The following SEMA5A variants were observed in gnomAD, a reference collection of about 807,000 sequenced individuals.
SEMA5A encodes the protein semaphorin 5A.
Under a neutral mutation model 135.5 loss-of-function variants are expected in SEMA5A, and 55 were observed. That is an observed-to-expected ratio of 0.41 (90% CI 0.33 to 0.51). The LOEUF (loss-of-function observed/expected upper bound fraction) is 0.51, where lower values mean the gene tolerates loss of function less well. Ranked by LOEUF, SEMA5A falls within the 20% of genes least tolerant of loss-of-function variation. The pLI is 0.37. For missense variants in SEMA5A, 1,290 were observed against 1,419.9 expected, an observed-to-expected ratio of 0.91 and a Z score of 1.47; for synonymous variants, 580 against 546.5, an observed-to-expected ratio of 1.06 and a Z score of -0.85.
At chr5:9,206,440 T>G (rs544670203) in intron 8 of SEMA5A, among the ~76,000 whole-genome samples, 6 of 151,652 alleles carry the variant, frequency 4.0e-5, no homozygotes, top group Admixed American at 1.3e-4. Context: ...TCACCATATA[T>G]GTAATTACAA....
At chr5:9,083,895 T>A (rs1469375997) in intron 16 of SEMA5A, among the ~76,000 whole-genome samples, 1 of 152,210 alleles carries the variant, frequency 6.6e-6, no homozygotes, top group Non-Finnish European at 1.5e-5. Flanking sequence ...TCTGACAGAC[T>A]GACTTGTTTC....
rs187900603 is a variant in SEMA5A at position 9,197,856 on chromosome 5, C to T, written c.933-553G>A. 2.0e-3 allele frequency among the ~76,000 whole-genome samples: 298 copies of T among 151,694 alleles called. 2 individuals carry two copies. The highest frequency in any genetic ancestry group is 7.1e-3 in the African/African-American group (292 of 41,362). On this transcript the variant is annotated intron_variant, in intron 9 of 22. Transcript: ENST00000382496. The stretch of plus-strand genomic sequence containing the variant: ...ACTCAAAGTATTTTATAAAAAGTGA[C>T]TGTCTGACTCTTCATATTTTCTTTT...
chr5:9,042,710 T>C lies in SEMA5A; in HGVS notation c.*187A>G. On this transcript the variant is annotated 3_prime_UTR_variant, in exon 23 of 23. Coordinates refer to ENST00000382496, the MANE Select transcript of SEMA5A (RefSeq NM_003966.3). ...TCAACAATGGTCAAGATTTTCACGA[T>C]GTCTTATTTCAATTTTTGTTGCTTT... 1 of 608,148 alleles carries C rather than the reference T, an allele frequency of 1.6e-6. No individual in the cohort carries two copies. Among genetic ancestry groups the C allele is most frequent in the African/African-American group, 1.9e-5 (1 of 53,122 alleles). The allele number at this position is 608,148 out of a possible 1,614,324, so 37.7% of individuals were successfully genotyped here.
intron 5 of SEMA5A, 44 bp downstream of exon 5, chr5:9,318,328 T>C (rs765219379): frequency 1.9e-5 from 29 of 1,563,478 alleles, no homozygotes; most frequent in Non-Finnish European, 2.5e-5. Flanking sequence ...AGTGAGTTAA[T>C]TGGGATGGAA....
chr5:9,331,672 C>A (rs1185668572), intron 4 of SEMA5A, among the ~76,000 whole-genome samples: 1 of 152,186 alleles, frequency 6.6e-6, no homozygotes. Flanking sequence ...TCCCTTGCCA[C>A]CCCCACCCAC....
chr5:9,448,697 G>A (rs867647177), intron 1 of SEMA5A, among the ~76,000 whole-genome samples: 20 of 152,128 alleles, frequency 1.3e-4, no homozygotes, highest in African/African-American at 4.3e-4. Flanking sequence ...TTATCTTATT[G>A]GCTTGACTTC....
At chr5:9,139,188 T>C (rs2150225957) in intron 12 of SEMA5A, among the ~76,000 whole-genome samples, 1 of 152,356 alleles carries the variant, frequency 6.6e-6, no homozygotes, top group Non-Finnish European at 1.5e-5. Context: ...TTTTCCATAG[T>C]AATTGTACTA....
In SEMA5A at chr5:9,066,417, T is replaced by TCAC. The variant is rs755623675; in HGVS notation, c.2299+1_2299+3dup. On this transcript the variant is annotated splice_donor_region_variant and intron_variant, in intron 17 of 22. Transcript: ENST00000382496. ...GGGTCAGTCCCCACGGAATCACTAC[T>TCAC]CACCATCTGTGGAGCAGCCACTGGT... 6.2e-7 allele frequency: 1 copy of TCAC among 1,613,912 alleles called. No individual in the cohort carries two copies. The highest frequency in any genetic ancestry group is 1.7e-5 in the Admixed American group (1 of 60,034).
At chr5:9,059,300 A>C (rs1737058078) in intron 18 of SEMA5A, among the ~76,000 whole-genome samples, 1 of 152,104 alleles carries the variant, frequency 6.6e-6, no homozygotes, top group South Asian at 2.1e-4. Context: ...CAAAGTCTGG[A>C]GTCTTTAAGG....
At chr5:9,368,688 G>A (rs1428803587) in intron 3 of SEMA5A, among the ~76,000 whole-genome samples, 1 of 152,142 alleles carries the variant, frequency 6.6e-6, no homozygotes, top group African/African-American at 2.4e-5. Flanking sequence ...CATTTAGCAT[G>A]ATACTCTGAG....
At chr5:9,363,857 A>T (rs888838707) in intron 3 of SEMA5A, among the ~76,000 whole-genome samples, 1 of 152,204 alleles carries the variant, frequency 6.6e-6, no homozygotes, top group Non-Finnish European at 1.5e-5. Context: ...ATGGAATGGC[A>T]TGACTAAATC....
intron 2 of SEMA5A, among the ~76,000 whole-genome samples, chr5:9,394,530 C>T (rs918187431): frequency 8.6e-5 from 13 of 151,998 alleles, no homozygotes; most frequent in East Asian, 5.8e-4. Flanking sequence ...GTTTCTTGCA[C>T]GTAGAAAGTA....
chr5:9,052,157 G>A, intron 19 of SEMA5A, 129 bp from the exon 20 acceptor site: 1 of 1,008,404 alleles, frequency 9.9e-7, no homozygotes. Context: ...ATGGTTCTGT[G>A]CATCAGTAAG....
intron 5 of SEMA5A, among the ~76,000 whole-genome samples, chr5:9,300,400 C>G (rs1233073148): frequency 6.6e-6 from 1 of 152,086 alleles, no homozygotes; most frequent in African/African-American, 2.4e-5. Flanking sequence ...AATTATCTGA[C>G]CTACATTTCC....
chr5:9,405,309 T>C (rs926105934), intron 2 of SEMA5A, among the ~76,000 whole-genome samples: 2 of 152,114 alleles, frequency 1.3e-5, no homozygotes, highest in African/African-American at 4.8e-5. Context: ...TCTGGAAAAA[T>C]TGTTCCTATC....
intron 3 of SEMA5A, among the ~76,000 whole-genome samples, chr5:9,364,008 T>C (rs1754809931): frequency 6.6e-6 from 1 of 152,180 alleles, no homozygotes; most frequent in Non-Finnish European, 1.5e-5. Flanking sequence ...TGAAGAAACC[T>C]GGGGTGCTCA....
intron 1 of SEMA5A, among the ~76,000 whole-genome samples, chr5:9,470,558 A>T (rs1023313517): frequency 6.6e-6 from 1 of 152,228 alleles, no homozygotes; most frequent in Non-Finnish European, 1.5e-5. Flanking sequence ...AGCGCTGTCC[A>T]GTCTTCCTCC....
chr5:9,304,721 T>C (rs889934930), intron 5 of SEMA5A, among the ~76,000 whole-genome samples: 1 of 152,198 alleles, frequency 6.6e-6, no homozygotes, highest in Non-Finnish European at 1.5e-5. Context: ...TCAACATAGA[T>C]GCATGCTCCC....
At chr5:9,241,396 A>G (rs1748186829) in intron 5 of SEMA5A, among the ~76,000 whole-genome samples, 1 of 152,050 alleles carries the variant, frequency 6.6e-6, no homozygotes, top group African/African-American at 2.4e-5. Flanking sequence ...ACAATACAGC[A>G]TAAGTGTATT....
Sources: gnomAD v4.1 joint callset for allele counts (sites outside exome capture counted in the v4.1 genomes callset) on GRCh38, gnomAD v4.1.1 for gene constraint, MANE v1.5 for transcripts, NCBI Gene and HGNC (gene_info 2026-07-23, HGNC 2026-07-21) for gene names.